Variants in COL6A6 observed in about 807,000 individuals in gnomAD.
The protein encoded by COL6A6 is collagen type VI alpha 6 chain.
A neutral mutation model predicts 208.6 loss-of-function variants in COL6A6; 183 were observed. That is an observed-to-expected ratio of 0.88 (90% CI 0.78 to 0.99). The LOEUF is 0.99. Among genes scored for constraint, COL6A6 ranks in the 50% least tolerant of loss-of-function variants. COL6A6 has a pLI of 0.00. For missense variants in COL6A6, 2,816 were observed against 2,815.2 expected (o/e 1.00, Z -0.01); for synonymous variants, 973 against 1,011.8 (o/e 0.96, Z 0.73).
At chr3:130,673,726 G>A (rs2066291194) in intron 36 of COL6A6, among the ~76,000 whole-genome samples, 1 of 152,162 alleles carries the variant, frequency 6.6e-6, no homozygotes, top group Admixed American at 6.5e-5. Context: ...GGGAGGCCAA[G>A]GCAAGAAGAC....
intron 28 of COL6A6, among the ~76,000 whole-genome samples, chr3:130,637,795 T>C (rs540987569): frequency 1.3e-5 from 2 of 152,314 alleles, no homozygotes; most frequent in South Asian, 2.1e-4. Flanking sequence ...ATTTTGTGTA[T>C]ATATGTATGT....
At chr3:130,522,846 C>G (rs567086315) in intron 1 of COL6A6, among the ~76,000 whole-genome samples, 1 of 151,918 alleles carries the variant, frequency 6.6e-6, no homozygotes, top group East Asian at 1.9e-4. Flanking sequence ...TCTCCATTCT[C>G]CTTGTCATCA....
intron 24 of COL6A6, among the ~76,000 whole-genome samples, chr3:130,623,557 C>G (rs900180269): frequency 6.6e-6 from 1 of 151,308 alleles, no homozygotes; most frequent in African/African-American, 2.5e-5. Context: ...GGTGACTTAA[C>G]GGGGTGAGGA....
At chr3:130,565,909 T>C (rs1038214643) in intron 4 of COL6A6, among the ~76,000 whole-genome samples, 3 of 152,216 alleles carry the variant, frequency 2.0e-5, no homozygotes, top group Non-Finnish European at 2.9e-5. Flanking sequence ...TCTCTTCTTT[T>C]GTCTTTCTCT....
intron 8 of COL6A6, among the ~76,000 whole-genome samples, chr3:130,576,501 T>C (rs1163208725): frequency 6.6e-6 from 1 of 152,202 alleles, no homozygotes; most frequent in African/African-American, 2.4e-5. Context: ...CACATTAATT[T>C]CTTGTTTCAT....
rs531973630 is a variant in COL6A6 at position 130,544,712 on chromosome 3, CTT to C, written c.-31-15621_-31-15620del. 3.3e-3 allele frequency among the ~76,000 whole-genome samples: 505 copies of C among 152,278 alleles called. 6 individuals carry two copies. The highest frequency in any genetic ancestry group is 2.4e-3 in the Non-Finnish European group (163 of 68,024). ...TCAACATTTGTTATCTCTCATCTTT[CTT>C]ATAATAGCTATCCTAACAGGAGTGA... On this transcript the variant is annotated intron_variant, in intron 1 of 36. Coordinates refer to ENST00000358511, the MANE Select transcript of COL6A6 (RefSeq NM_001102608.3).
In COL6A6 at chr3:130,563,235, G is replaced by A; in HGVS notation, c.232G>A (p.Glu78Lys). 6.2e-7 allele frequency: 1 copy of A among 1,613,966 alleles called. No individual in the cohort carries two copies. The highest frequency in any genetic ancestry group is 1.7e-5 in the Admixed American group (1 of 60,022). The change falls in exon 3 of 37, where the codon GAA becomes AAA. Residue 78 changes from glutamate to lysine, a missense_variant. Glu to Lys is a moderately conservative substitution (Grantham distance 56, BLOSUM62 1). Coordinates refer to ENST00000358511, the MANE Select transcript of COL6A6 (RefSeq NM_001102608.3). ...LAQYSDKLHS[E>K]FHLSTFKGRS... ...CCAGTACAGTGATAAACTTCACAGT[G>A]AATTCCACCTGAGCACCTTCAAAGG... is the stretch of plus-strand genomic sequence containing the variant.
At chr3:130,532,592 T>G (rs797012816) in intron 1 of COL6A6, among the ~76,000 whole-genome samples, 9 of 152,298 alleles carry the variant, frequency 5.9e-5, no homozygotes, top group African/African-American at 2.2e-4. Context: ...CATCTGCCTG[T>G]GGGATGTCTC....
At position 130,571,041 on chromosome 3, in the gene COL6A6, G is replaced by A. The variant is rs1316375195; in HGVS notation, c.2625G>A (p.Val875=). The change falls in exon 7 of 37, where the codon GTG becomes GTA. Residue 875 remains valine (V), a synonymous_variant. Transcript: ENST00000358511. ...GCACAAAACTGGAGGTAATTTCAGTGCTCCAGAATGACCAAGCCATGGGTG... is the reference window on the plus strand; with the variant it reads ...GCACAAAACTGGAGGTAATTTCAGTACTCCAGAATGACCAAGCCATGGGTG... ...DFGTKLEVIS[V]LQNDQAMGGS... The A allele has an allele frequency of 6.2e-7, 1 of 1,613,748 alleles. No individual in the cohort carries two copies. Among genetic ancestry groups the A allele is most frequent in the East Asian group, 2.2e-5 (1 of 44,884 alleles).
At chr3:130,517,141 A>G (rs1045006678), upstream of COL6A6, among the ~76,000 whole-genome samples, 7 of 151,928 alleles carry the variant, frequency 4.6e-5, no homozygotes, top group African/African-American at 1.7e-4. Flanking sequence ...CGGGGCGGGG[A>G]GAAGCGTTTA....
At chr3:130,652,589 C>T (rs2065675422) in intron 33 of COL6A6, among the ~76,000 whole-genome samples, 2 of 152,162 alleles carry the variant, frequency 1.3e-5, no homozygotes, top group African/African-American at 2.4e-5. Context: ...TGAAACCAAG[C>T]AGGGTTGTCT....
chr3:130,569,680 C>T (rs766958577), intron 6 of COL6A6, among the ~76,000 whole-genome samples: 3 of 152,174 alleles, frequency 2.0e-5, no homozygotes, highest in Non-Finnish European at 2.9e-5. Flanking sequence ...CTTTCTGAAG[C>T]GTTCTGACAC....
chr3:130,661,665 C>T lies in COL6A6; in HGVS notation c.5859C>T (p.Asp1953=), dbSNP rs751129545. 3 of 1,613,244 alleles carry T rather than the reference C, an allele frequency of 1.9e-6. No homozygotes were observed. Among genetic ancestry groups the T allele is most frequent in the Non-Finnish European group, 2.5e-6 (3 of 1,179,548 alleles). ...TGTGCAAGCCAGATGCTTCTTGTGA[C>T]CAAGCCAGACCACCCCCTGTGCAGT... ...YDVCKPDASC[D]QARPPPVQSY... is the part of the protein sequence containing the mutation. Residue 1953 remains aspartate, a synonymous_variant, in exon 35 of 37, where the codon GAC becomes GAT. Transcript: ENST00000358511.
At chr3:130,638,102 G>A (rs931334608) in intron 28 of COL6A6, among the ~76,000 whole-genome samples, 5 of 151,298 alleles carry the variant, frequency 3.3e-5, no homozygotes, top group Non-Finnish European at 5.9e-5. Context: ...AAGAACCACT[G>A]GTTTAGAGAG....
At chr3:130,602,315 A>C (rs1466665172) in intron 20 of COL6A6, among the ~76,000 whole-genome samples, 2 of 152,218 alleles carry the variant, frequency 1.3e-5, no homozygotes, top group Admixed American at 6.5e-5. Context: ...TGTTCCAGGC[A>C]CACATCCCCA....
intron 8 of COL6A6, among the ~76,000 whole-genome samples, chr3:130,577,806 G>A (rs1357949647): frequency 6.6e-6 from 1 of 152,226 alleles, no homozygotes; most frequent in East Asian, 1.9e-4. Flanking sequence ...TATGGTAAGT[G>A]TTCATTGAGA....
At chr3:130,561,978 A>G (rs1027965786) in intron 2 of COL6A6, among the ~76,000 whole-genome samples, 1 of 152,190 alleles carries the variant, frequency 6.6e-6, no homozygotes, top group African/African-American at 2.4e-5. Context: ...AAGAAGAAAA[A>G]ACTAAGGCCC....
chr3:130,638,919 C>G (rs2065231112), intron 28 of COL6A6, among the ~76,000 whole-genome samples: 1 of 152,028 alleles, frequency 6.6e-6, no homozygotes, highest in Non-Finnish European at 1.5e-5. Flanking sequence ...CCATTTTTAT[C>G]CATTTTCCTG....
chr3:130,666,579 C>A (rs1576427462), intron 36 of COL6A6, among the ~76,000 whole-genome samples: 1 of 152,212 alleles, frequency 6.6e-6, no homozygotes, highest in African/African-American at 2.4e-5. Context: ...TTCTAATTTT[C>A]TGTGAATTTC....
Sources: allele counts gnomAD v4.1 joint callset (sites outside exome capture counted in the v4.1 genomes callset), GRCh38; gene constraint gnomAD v4.1.1; transcripts MANE v1.5; gene names NCBI Gene and HGNC (gene_info 2026-07-23, HGNC 2026-07-21).